POLN: variants seen among roughly 807,000 people sequenced by gnomAD.
POLN encodes DNA polymerase N.
A neutral mutation model predicts 113.5 loss-of-function variants in POLN; 108 were observed. The observed-to-expected ratio is 0.95, with a 90% CI of 0.81 to 1.12. The LOEUF (loss-of-function observed/expected upper bound fraction) is 1.12. Among genes scored for constraint, POLN ranks in the 50% most tolerant of loss-of-function variants. The pLI, the probability that POLN is intolerant of heterozygous loss-of-function variation, is 0.00. For synonymous variants in POLN, 386 were observed against 391.5 expected (o/e 0.99, Z 0.17); for missense variants, 1,097 against 1,077.1 (o/e 1.02, Z -0.26).
intron 7 of POLN, among the ~76,000 whole-genome samples, chr4:2,190,577 A>T (rs894337065): frequency 1.3e-5 from 2 of 152,334 alleles, no homozygotes; most frequent in East Asian, 3.9e-4. Context: ...AGGAAACAAT[A>T]GAGTGAACAG....
intron 20 of POLN, chr4:2,089,855 G>T (rs1171308755): frequency 1.9e-5 from 18 of 929,582 alleles, no homozygotes; most frequent in Non-Finnish European, 2.9e-5. Flanking sequence ...TTTGAAAGCA[G>T]ACTTTCCAGA....
At chr4:2,187,605 C>T (rs962289432) in intron 7 of POLN, among the ~76,000 whole-genome samples, 5 of 152,076 alleles carry the variant, frequency 3.3e-5, no homozygotes, top group Admixed American at 6.6e-5. Flanking sequence ...ACAGATTAAA[C>T]CCAAATAAAA....
At chr4:2,222,663 C>G (rs562915836) in intron 3 of POLN, among the ~76,000 whole-genome samples, 43 of 150,498 alleles carry the variant, frequency 2.9e-4, no homozygotes, top group African/African-American at 9.8e-4. Context: ...CTGGCTTTCA[C>G]GTTTAGCCTT....
chr4:2,084,015 C>T (rs913946478), intron 21 of POLN, among the ~76,000 whole-genome samples: 9 of 152,230 alleles, frequency 5.9e-5, no homozygotes, highest in African/African-American at 2.2e-4. Context: ...AGCACTGACC[C>T]CTGAGGGCTG....
chr4:2,225,633 A>C (rs557877043), intron 3 of POLN, among the ~76,000 whole-genome samples: 57 of 151,476 alleles, frequency 3.8e-4, no homozygotes, highest in African/African-American at 1.3e-3. Context: ...AAAAAAAAAA[A>C]CAAACACTTT....
In POLN at chr4:2,236,580, C is replaced by T. The variant is rs1269204619; in HGVS notation, c.-13+4940G>A. 7.3e-6 allele frequency: 5 copies of T among 682,168 alleles called. No homozygotes were observed. In the Admixed American group the frequency reaches 1.0e-4, roughly 14 times the overall value. 42.3% of individuals were successfully genotyped at this position (682,168 alleles called of 1,614,324 possible). A position where few individuals can be genotyped will look rare whatever the true frequency, so the allele number is the denominator to read the frequency against. On this transcript the variant is annotated intron_variant, in intron 2 of 25. Transcript: ENST00000511885. ...AGTAACAACTTATAAAAATATTGGCCGGGTACAGTAGCTCACGCCTGTAAT... is the reference window on the plus strand; with the variant it reads ...AGTAACAACTTATAAAAATATTGGCTGGGTACAGTAGCTCACGCCTGTAAT...
intron 18 of POLN, 59 bp downstream of exon 18, chr4:2,129,120 T>C (rs867718318): frequency 7.9e-7 from 1 of 1,261,430 alleles, no homozygotes. Flanking sequence ...CTTTGAATTG[T>C]TCAATTTCTA....
At position 2,127,734 on chromosome 4, in the gene POLN, C is replaced by A. The variant is rs1203697009; in HGVS notation, c.1982+379G>T. On this transcript the variant is annotated intron_variant, in intron 19 of 25. Coordinates refer to ENST00000511885, the MANE Select transcript of POLN (RefSeq NM_181808.4). The surrounding 1 kb of genome is among the most constrained non-coding windows in gnomAD (Gnocchi z 4.7). ...CCCGCAGCTCAAGAAGCCCCTGGCC[C>A]ACAGATGGGCTGGGGCGTGAGTACG... Among the ~76,000 whole-genome samples the A allele has an allele frequency of 6.6e-6, 1 of 152,244 alleles. No homozygotes were observed. The highest frequency in any genetic ancestry group is 1.9e-4 in the East Asian group (1 of 5,200).
At chr4:2,228,867 A>G (rs1336940694) in intron 3 of POLN, 3 of 390,116 alleles carry the variant, frequency 7.7e-6, no homozygotes, top group South Asian at 1.1e-4. Context: ...TTCTAAGGGA[A>G]TGTTTGACAG....
intron 21 of POLN, among the ~76,000 whole-genome samples, chr4:2,082,148 G>A (rs935065463): frequency 1.3e-5 from 2 of 152,066 alleles, no homozygotes; most frequent in African/African-American, 2.4e-5. Flanking sequence ...TAGAGATGGG[G>A]TTCCACCAAG....
At chr4:2,204,918 A>G (rs2108762560) in intron 5 of POLN, among the ~76,000 whole-genome samples, 1 of 152,298 alleles carries the variant, frequency 6.6e-6, no homozygotes, top group South Asian at 2.1e-4. Flanking sequence ...TCTCAGCACA[A>G]TTGGCATACA....
intron 2 of POLN, chr4:2,234,204 A>G (rs1168202964): frequency 6.6e-6 from 1 of 152,244 alleles, no homozygotes; most frequent in Non-Finnish European, 1.5e-5. Flanking sequence ...CATGCTAAGT[A>G]AAAACAAAAC....
chr4:2,154,418 T>C (rs765243462), intron 16 of POLN, among the ~76,000 whole-genome samples: 1 of 152,034 alleles, frequency 6.6e-6, no homozygotes, highest in African/African-American at 2.4e-5. Flanking sequence ...CAAAGAAGAA[T>C]AATTGTTTCA....
chr4:2,103,809 G>A (rs1367397329), intron 19 of POLN, among the ~76,000 whole-genome samples: 1 of 152,164 alleles, frequency 6.6e-6, no homozygotes, highest in Non-Finnish European at 1.5e-5. Context: ...CATATTCAAA[G>A]TGCTGAAAGA....
At chr4:2,196,740 G>A (rs527306923) in intron 6 of POLN, among the ~76,000 whole-genome samples, 3 of 152,198 alleles carry the variant, frequency 2.0e-5, no homozygotes, top group African/African-American at 4.8e-5. Context: ...CCCAGGAAAG[G>A]GACAGAAGGA....
In POLN at chr4:2,085,631, C is replaced by T. The variant is rs1440243136; in HGVS notation, c.2179G>A (p.Ala727Thr). ...KIKDFARAAI[A>T]QCHQTGCVVS... ...AACTCACCTGTCTGGTGACACTGGG[C>T]AATAGCTGCTCGGGCGAAGTCCTTG... The change falls in exon 21 of 26, where the codon GCC becomes ACC. Residue 727 changes from alanine (A) to threonine (T), a missense_variant. Coordinates refer to ENST00000511885, the MANE Select transcript of POLN (RefSeq NM_181808.4). The T allele has an allele frequency of 6.2e-7, 1 of 1,614,044 alleles. No homozygotes were observed. The highest frequency in any genetic ancestry group is 1.1e-5 in the South Asian group (1 of 91,076).
chr4:2,189,533 G>C (rs1274322547), intron 7 of POLN, among the ~76,000 whole-genome samples: 5 of 151,424 alleles, frequency 3.3e-5, no homozygotes, highest in Non-Finnish European at 7.4e-5. Context: ...CAGCTACTTG[G>C]GAGGCTGAGG....
intron 25 of POLN, among the ~76,000 whole-genome samples, 169 bp from the exon 26 acceptor site, chr4:2,072,468 T>C (rs888919307): frequency 6.6e-6 from 1 of 152,090 alleles, no homozygotes; most frequent in Non-Finnish European, 1.5e-5. Context: ...CTCACCACAC[T>C]CGCCCAGCAA....
chr4:2,115,288 G>A (rs1307596665), intron 19 of POLN, among the ~76,000 whole-genome samples: 22 of 147,346 alleles, frequency 1.5e-4, no homozygotes, highest in East Asian at 8.0e-4. Flanking sequence ...GGCTGGTTTC[G>A]AACTCCTAAC....
Sources: gnomAD v4.1 joint callset for allele counts (sites outside exome capture counted in the v4.1 genomes callset) on GRCh38, gnomAD v4.1.1 for gene constraint, Gnocchi (gnomAD v3.1) non-coding constraint, MANE v1.5 for transcripts, NCBI Gene and HGNC (gene_info 2026-07-23, HGNC 2026-07-21) for gene names.